MARCHF10: variants seen among roughly 807,000 people sequenced by gnomAD.
MARCHF10 encodes membrane associated ring-CH-type finger 10.
MARCHF10 carries 64 observed loss-of-function variants against 76.2 expected under a neutral mutation model. The ratio of observed to expected loss-of-function variants is 0.84; its 90% CI spans 0.69 to 1.03. The LOEUF (loss-of-function observed/expected upper bound fraction) is 1.03, where lower values mean the gene tolerates loss of function less well. Among genes scored for constraint, MARCHF10 ranks in the 50% least tolerant of loss-of-function variants. MARCHF10 has a pLI of 0.00. For missense variants in MARCHF10, 875 were observed against 958.0 expected, an observed-to-expected ratio of 0.91 and a Z score of 1.14; for synonymous variants, 340 against 357.5, an observed-to-expected ratio of 0.95 and a Z score of 0.55.
intron 7 of MARCHF10, among the ~76,000 whole-genome samples, chr17:62,724,646 C>T (rs1024530442): frequency 6.6e-6 from 1 of 152,158 alleles, no homozygotes; most frequent in Non-Finnish European, 1.5e-5. Flanking sequence ...CATCTCTGCT[C>T]AGGCCTCAAG....
intron 1 of MARCHF10, among the ~76,000 whole-genome samples, chr17:62,802,844 G>C (rs2093099318): frequency 6.6e-6 from 1 of 152,202 alleles, no homozygotes; most frequent in Non-Finnish European, 1.5e-5. Context: ...CTGCAGGGGA[G>C]GCAGGGGCCA....
At chr17:62,806,214 T>C (rs2148238530) in intron 1 of MARCHF10, among the ~76,000 whole-genome samples, 1 of 152,230 alleles carries the variant, frequency 6.6e-6, no homozygotes, top group South Asian at 2.1e-4. Flanking sequence ...CTGACCAGGA[T>C]GAACAAGAAA....
At chr17:62,800,707 C>T (rs915253304) in intron 2 of MARCHF10, among the ~76,000 whole-genome samples, 1 of 152,158 alleles carries the variant, frequency 6.6e-6, no homozygotes, top group African/African-American at 2.4e-5. Context: ...TCCTGATTGG[C>T]AAGGGCTGAG....
intron 5 of MARCHF10, among the ~76,000 whole-genome samples, chr17:62,743,451 G>A (rs542550976): frequency 2.5e-4 from 38 of 152,126 alleles, no homozygotes; most frequent in African/African-American, 8.7e-4. Context: ...AGTTTGAGAC[G>A]GGCCAACATG....
chr17:62,776,011 T>C (rs998905419), intron 3 of MARCHF10, among the ~76,000 whole-genome samples: 1 of 152,042 alleles, frequency 6.6e-6, no homozygotes, highest in Non-Finnish European at 1.5e-5. Flanking sequence ...TTGCCCAGAC[T>C]GGTCTTGAAC....
chr17:62,797,721 A>G (rs1269132884), intron 2 of MARCHF10, among the ~76,000 whole-genome samples: 1 of 152,216 alleles, frequency 6.6e-6, no homozygotes, highest in African/African-American at 2.4e-5. Flanking sequence ...GGAGTATCCT[A>G]TATTCCAATG....
In MARCHF10 at chr17:62,736,749, C is replaced by A; in HGVS notation, c.1119G>T (p.Leu373Phe). The A allele has an allele frequency of 6.2e-7, 1 of 1,614,206 alleles. No individual in the cohort carries two copies. Among genetic ancestry groups the A allele is most frequent in the Non-Finnish European group, 8.5e-7 (1 of 1,180,034 alleles). Reference protein sequence around the residue: ...ATERPSAGQRLSQDPGLPDRE... With the variant: ...ATERPSAGQRFSQDPGLPDRE... Reference sequence around the variant, plus strand: ...TATCAGGCAGCCCGGGGTCTTGGGACAACCTTTGCCCAGCAGAAGGCCGCT... The same window carrying A: ...TATCAGGCAGCCCGGGGTCTTGGGAAAACCTTTGCCCAGCAGAAGGCCGCT... The change falls in exon 6 of 11, where the codon TTG (leucine) becomes TTT (phenylalanine). Residue 373 changes from leucine (L) to phenylalanine (F), a missense_variant. Leu to Phe is a conservative substitution (Grantham distance 22, BLOSUM62 0). Coordinates refer to ENST00000311269, the MANE Select transcript of MARCHF10 (RefSeq NM_152598.4).
intron 4 of MARCHF10, among the ~76,000 whole-genome samples, chr17:62,752,165 C>T (rs1003705862): frequency 5.9e-5 from 9 of 152,104 alleles, no homozygotes; most frequent in South Asian, 2.1e-4. Context: ...TCCTATTTCT[C>T]GGGATCATTT....
chr17:62,795,861 T>G (rs1241483832), intron 2 of MARCHF10, among the ~76,000 whole-genome samples: 6 of 152,094 alleles, frequency 3.9e-5, no homozygotes, highest in Non-Finnish European at 8.8e-5. Flanking sequence ...AGCTGGGATT[T>G]CCATAGGAAG....
In MARCHF10 at chr17:62,724,935, T is replaced by C; in HGVS notation, c.2104+3A>G. 1 of 1,611,480 alleles carries C rather than the reference T, an allele frequency of 6.2e-7. No homozygotes were observed. Among genetic ancestry groups the C allele is most frequent in the Admixed American group, 1.7e-5 (1 of 59,484 alleles). The stretch of plus-strand genomic sequence containing the variant: ...CGTTCACTGCACTTCCTTCCCCACC[T>C]ACCTGATGTTATTTTCACTTTCAGC... On this transcript the variant is annotated splice_donor_region_variant and intron_variant, in intron 7 of 10. Coordinates refer to ENST00000311269, the MANE Select transcript of MARCHF10 (RefSeq NM_152598.4).
At chr17:62,787,459 A>G (rs1332561437) in intron 3 of MARCHF10, among the ~76,000 whole-genome samples, 1 of 152,242 alleles carries the variant, frequency 6.6e-6, no homozygotes, top group Non-Finnish European at 1.5e-5. Flanking sequence ...AATATTAAAT[A>G]GGAATTCATA....
Position 62,736,103 on chromosome 17 carries a change from A to G in MARCHF10, c.1765T>C (p.Leu589=). The change falls in exon 6 of 11, where the codon TTG becomes CTG. Residue 589 remains leucine, a synonymous_variant. Coordinates refer to ENST00000311269, the MANE Select transcript of MARCHF10 (RefSeq NM_152598.4). ...TCTTGCAGAGACCCAGACACATGCAAATGGCCTTCTGAGTTCATTCTTGAT... is the reference window on the plus strand; with the variant it reads ...TCTTGCAGAGACCCAGACACATGCAGATGGCCTTCTGAGTTCATTCTTGAT... ...SPSRMNSEGH[L]HVSGSLQENT... is the part of the protein sequence containing the mutation. 1 of 1,614,182 alleles carries G rather than the reference A, an allele frequency of 6.2e-7. No individual in the cohort carries two copies. The highest frequency in any genetic ancestry group is 1.1e-5 in the South Asian group (1 of 91,076).
rs1439097761 is a variant in MARCHF10 at position 62,761,667 on chromosome 17, C to A, written c.211-1661G>T. Among the ~76,000 whole-genome samples, 3 of 152,180 alleles carry A rather than the reference C, an allele frequency of 2.0e-5. No individual in the cohort carries two copies. In the East Asian group the frequency reaches 5.8e-4, roughly 29 times the overall value. On this transcript the variant is annotated intron_variant, in intron 3 of 10. Coordinates refer to ENST00000311269, the MANE Select transcript of MARCHF10 (RefSeq NM_152598.4). ...GAACTCCTGACCTTAGGTGATCAAC[C>A]CATCTCAGCCTCCCAAAGTTCTGGG...
intron 4 of MARCHF10, among the ~76,000 whole-genome samples, chr17:62,749,439 G>C (rs1485208248): frequency 6.6e-6 from 1 of 152,138 alleles, no homozygotes; most frequent in Admixed American, 6.5e-5. Context: ...GATCCCAATG[G>C]AGAGACAACT....
intron 3 of MARCHF10, among the ~76,000 whole-genome samples, chr17:62,773,994 A>G (rs987138398): frequency 1.3e-5 from 2 of 152,216 alleles, no homozygotes; most frequent in Non-Finnish European, 2.9e-5. Context: ...AGAATTATTA[A>G]GAGGGTCAAG....
intron 8 of MARCHF10, among the ~76,000 whole-genome samples, chr17:62,713,612 C>G (rs936333776): frequency 6.6e-6 from 1 of 152,212 alleles, no homozygotes; most frequent in African/African-American, 2.4e-5. Context: ...AACTCCGAAT[C>G]AGCCTTTACA....
intron 4 of MARCHF10, among the ~76,000 whole-genome samples, chr17:62,751,369 T>C (rs950021177): frequency 2.0e-4 from 31 of 152,152 alleles, no homozygotes; most frequent in Non-Finnish European, 3.4e-4. Context: ...CACATCGATG[T>C]CACCTGGGAC....
At chr17:62,772,349 G>A (rs1478517044) in intron 3 of MARCHF10, among the ~76,000 whole-genome samples, 1 of 152,126 alleles carries the variant, frequency 6.6e-6, no homozygotes, top group Non-Finnish European at 1.5e-5. Context: ...ATGATTGTGA[G>A]GCCTCCCCAA....
At chr17:62,759,720 C>T (rs2092142831) in intron 4 of MARCHF10, 115 bp downstream of exon 4, 1 of 1,069,476 alleles carries the variant, frequency 9.4e-7, no homozygotes. Context: ...ATCCGCCGGC[C>T]TCAGCCTCTC....
Sources: allele counts gnomAD v4.1 joint callset (sites outside exome capture counted in the v4.1 genomes callset), GRCh38; gene constraint gnomAD v4.1.1; transcripts MANE v1.5; gene names NCBI Gene and HGNC (gene_info 2026-07-23, HGNC 2026-07-21).